TAOK2: variants seen among roughly 807,000 people sequenced by gnomAD.
TAOK2 encodes serine/threonine-protein kinase TAO2.
A neutral mutation model predicts 122.5 loss-of-function variants in TAOK2; 42 were observed. That is an observed-to-expected ratio of 0.34 (90% CI 0.27 to 0.44). The LOEUF (loss-of-function observed/expected upper bound fraction) is 0.44. TAOK2 is among the 20% of genes least tolerant of loss of function. The pLI is 1.00. For missense variants in TAOK2, 1,264 were observed against 1,644.9 expected (o/e 0.77, Z 4.01); for synonymous variants, 704 against 677.6 (o/e 1.04, Z -0.61).
Position 29,985,757 on chromosome 16 carries a change from G to C in TAOK2, c.1888G>C (p.Gly630Arg). ...GCAGTGCCAGGCGGAGGAGGAAGCA[G>C]GGCTGCTGCGGCGGCAGCGCCAGTA... ...LQQCQAEEEA[G>R]LLRRQRQYFE... Residue 630 changes from glycine (G) to arginine (R), a missense_variant, in exon 15 of 16, where the codon GGG (glycine) becomes CGG (arginine). Coordinates refer to ENST00000308893, the MANE Select transcript of TAOK2 (RefSeq NM_016151.4). The surrounding 1 kb of genome is among the most constrained non-coding windows in gnomAD (Gnocchi z 6.9). 1 of 1,611,570 alleles carries C rather than the reference G, an allele frequency of 6.2e-7. No homozygotes were observed. The highest frequency in any genetic ancestry group is 8.5e-7 in the Non-Finnish European group (1 of 1,179,682).
At chr16:29,991,847 A>G, downstream of TAOK2, 1 of 375,792 alleles carries the variant, frequency 2.7e-6, no homozygotes. The surrounding 1 kb of genome is among the most constrained non-coding windows in gnomAD (Gnocchi z 5.6). Context: ...GTGCGTGTCA[A>G]ATATTCATCT....
At chr16:29,991,330 C>T, downstream of TAOK2, 1 of 1,604,178 alleles carries the variant, frequency 6.2e-7, no homozygotes, top group Non-Finnish European at 8.5e-7. This position sits in a 1 kb window ranked among gnomAD's most constrained non-coding sequence, Gnocchi z 5.6. Context: ...CGTCAGCCGT[C>T]TCTGCTGGCT....
intron 1 of TAOK2, among the ~76,000 whole-genome samples, chr16:29,974,951 G>C (rs534528260): frequency 1.3e-5 from 2 of 152,174 alleles, no homozygotes; most frequent in East Asian, 3.9e-4. Context: ...CCTTCACTTT[G>C]CCCCTCACAG....
At chr16:29,991,384 G>A (rs780909351), downstream of TAOK2, 1 of 1,579,424 alleles carries the variant, frequency 6.3e-7, no homozygotes, top group East Asian at 2.3e-5. This position sits in a 1 kb window ranked among gnomAD's most constrained non-coding sequence, Gnocchi z 5.6. Context: ...ACACAAAGTG[G>A]GACACCCCGT....
chr16:29,987,011 C>T lies in TAOK2; in HGVS notation c.2739C>T (p.Thr913=), dbSNP rs1251136255. The T allele has an allele frequency of 1.2e-6, 2 of 1,612,464 alleles. No individual in the cohort carries two copies. Among genetic ancestry groups the T allele is most frequent in the African/African-American group, 1.3e-5 (1 of 74,870 alleles). The part of the protein sequence containing the change: ...EEEEEGAPIG[T]PRDPGDGCPS... ...AGGAAGAGGGGGCTCCGATTGGGAC[C>T]CCTAGGGATCCTGGAGATGGTTGTC... The change falls in exon 16 of 16, where the codon ACC becomes ACT. Residue 913 remains threonine (T), a synonymous_variant. Coordinates refer to ENST00000308893, the MANE Select transcript of TAOK2 (RefSeq NM_016151.4).
Position 29,987,825 on chromosome 16 carries a change from C to T in TAOK2, c.3553C>T (p.Leu1185=), listed in dbSNP as rs142133812. The change falls in exon 16 of 16, where the codon CTG becomes TTG. Residue 1185 remains leucine, a synonymous_variant. Transcript: ENST00000308893. ...CATCCACACACTGGCCAGCTGGGGC[C>T]TGCTTCGGGGTGAACGGCCCACCCG... The part of the protein sequence containing the change: ...WAIHTLASWG[L]LRGERPTRIP... 1.2e-6 allele frequency: 2 copies of T among 1,613,172 alleles called. No individual in the cohort carries two copies. Among genetic ancestry groups the T allele is most frequent in the Non-Finnish European group, 1.7e-6 (2 of 1,179,768 alleles).
At position 29,983,017 on chromosome 16, in the gene TAOK2, G is replaced by T. The variant is rs919016011; in HGVS notation, c.1000-55G>T. 8 of 1,608,894 alleles carry T rather than the reference G, an allele frequency of 5.0e-6. No homozygotes were observed. The African/African-American group carries it at 1.1e-4, about 22-fold the overall frequency. On this transcript the variant is annotated intron_variant, in intron 11 of 15. Transcript: ENST00000308893. ...CACCATCTTCCCATGCTACCTCCAT[G>T]CATATGCCCCAGGGCTTCCCCTTCC...
rs1336905501 is a variant in TAOK2, at chr16:29,985,931, C to G, written c.1992+70C>G. The G allele has an allele frequency of 6.5e-7, 1 of 1,533,360 alleles. No homozygotes were observed. The highest frequency in any genetic ancestry group is 8.9e-7 in the Non-Finnish European group (1 of 1,128,902). The allele number at this position is 1,533,360 out of a possible 1,614,324, so 95.0% of individuals were successfully genotyped here. A position where few individuals can be genotyped will look rare whatever the true frequency, so the allele number is the denominator to read the frequency against. On this transcript the variant is annotated intron_variant, in intron 15 of 15. Coordinates refer to ENST00000308893, the MANE Select transcript of TAOK2 (RefSeq NM_016151.4). This position sits in a 1 kb window ranked among gnomAD's most constrained non-coding sequence, Gnocchi z 6.9. Reference sequence around the variant, plus strand: ...CCAGGGACCCACCCTTTTCCATTTTCCTCATTCTTGTCTTCTTTCTCCTTG... The same window carrying G: ...CCAGGGACCCACCCTTTTCCATTTTGCTCATTCTTGTCTTCTTTCTCCTTG...
downstream of TAOK2, chr16:29,989,153 T>C (rs1338500184): frequency 6.2e-5 from 61 of 985,252 alleles, no homozygotes; most frequent in Non-Finnish European, 7.0e-5. Flanking sequence ...TCGCTTGTTC[T>C]CGTGCACGTT....
chr16:29,986,155 C>G lies in TAOK2; in HGVS notation c.1993-110C>G. ...TCACTTCCTTGATACTGACCAGGCC[C>G]TGGGCCCTGTGTTTCTTCCGCCATC... On this transcript the variant is annotated intron_variant, in intron 15 of 15. Transcript: ENST00000308893. This position sits in a 1 kb window ranked among gnomAD's most constrained non-coding sequence, Gnocchi z 4.2. 1 of 1,462,464 alleles carries G rather than the reference C, an allele frequency of 6.8e-7. No homozygotes were observed. The highest frequency in any genetic ancestry group is 1.4e-5 in the African/African-American group (1 of 70,582). The allele number at this position is 1,462,464 out of a possible 1,614,324, so 90.6% of individuals were successfully genotyped here. A position where few individuals can be genotyped will look rare whatever the true frequency, so the allele number is the denominator to read the frequency against.
chr16:29,990,847 C>T (rs1255125748), downstream of TAOK2: 1 of 1,613,510 alleles, frequency 6.2e-7, no homozygotes, highest in Non-Finnish European at 8.5e-7. Flanking sequence ...TCAACAGGAG[C>T]TGGAGCTGCT....
chr16:29,983,226 A>T lies in TAOK2; in HGVS notation c.1154A>T (p.Glu385Val). Residue 385 changes from glutamate (E) to valine (V), a missense_variant, in exon 12 of 16, where the codon GAG (glutamate) becomes GTG (valine). By Grantham distance (121) the Glu-to-Val change is moderately radical. Transcript: ENST00000308893. ...SDNEEEEEEEEEEEEEEEGPE... is the reference protein window; with the variant it reads ...SDNEEEEEEEVEEEEEEEGPE... Reference sequence around the variant, plus strand: ...AACGAGGAAGAGGAGGAGGAGGAGGAGGAAGAGGAGGAGGAGGAAGAAGGC... The same window carrying T: ...AACGAGGAAGAGGAGGAGGAGGAGGTGGAAGAGGAGGAGGAGGAAGAAGGC... 1 of 1,612,544 alleles carries T rather than the reference A, an allele frequency of 6.2e-7. No homozygotes were observed.
At chr16:29,989,261 C>T (rs367597104), downstream of TAOK2, 46 of 985,154 alleles carry the variant, frequency 4.7e-5, no homozygotes, top group Non-Finnish European at 5.1e-5. Flanking sequence ...CCAGTAACTC[C>T]GATGTTCTTT....
chr16:29,987,444 C>T lies in TAOK2; in HGVS notation c.3172C>T (p.Leu1058=). ...AWLLAWPGLA[L]PLVAMAAGGR... is the part of the protein sequence containing the mutation. Reference sequence around the variant, plus strand: ...GCTCTTAGCTTGGCCAGGCCTAGCTCTACCTCTGGTGGCTATGGCAGCGGG... The same window carrying T: ...GCTCTTAGCTTGGCCAGGCCTAGCTTTACCTCTGGTGGCTATGGCAGCGGG... The change falls in exon 16 of 16, where the codon CTA becomes TTA. Residue 1058 remains leucine, a synonymous_variant. Coordinates refer to ENST00000308893, the MANE Select transcript of TAOK2 (RefSeq NM_016151.4). 2 of 1,601,240 alleles carry T rather than the reference C, an allele frequency of 1.2e-6. No homozygotes were observed. Among genetic ancestry groups the T allele is most frequent in the Non-Finnish European group, 1.7e-6 (2 of 1,171,866 alleles).
At chr16:29,988,774 G>A (rs1051080887), downstream of TAOK2, 41 of 985,382 alleles carry the variant, frequency 4.2e-5, 1 homozygote, top group African/African-American at 1.0e-4. Context: ...GTTGGGGGAC[G>A]GGGCTGCAGA....
Position 29,988,111 on chromosome 16 carries a change from C to A in TAOK2, c.*131C>A. Reference sequence around the variant, plus strand: ...TCAGTTTGCTCACTTACCCCAGGCCCAGCCCTTCGGACCTCTAGACAGGCA... The same window carrying A: ...TCAGTTTGCTCACTTACCCCAGGCCAAGCCCTTCGGACCTCTAGACAGGCA... On this transcript the variant is annotated 3_prime_UTR_variant, in exon 16 of 16. Transcript: ENST00000308893. 1 of 1,434,354 alleles carries A rather than the reference C, an allele frequency of 7.0e-7. No individual in the cohort carries two copies. Among genetic ancestry groups the A allele is most frequent in the East Asian group, 2.5e-5 (1 of 39,960 alleles). The allele number at this position is 1,434,354 out of a possible 1,614,324, so 88.9% of individuals were successfully genotyped here.
intron 11 of TAOK2, 63 bp from the exon 12 acceptor site, chr16:29,983,009 A>G (rs1192232024): frequency 4.4e-6 from 7 of 1,606,870 alleles, no homozygotes; most frequent in Non-Finnish European, 3.4e-6. Flanking sequence ...TTCCCATGCT[A>G]CCTCCATGCA....
intron 8 of TAOK2, 33 bp from the exon 9 acceptor site, chr16:29,981,628 T>G: frequency 6.2e-7 from 1 of 1,606,640 alleles, no homozygotes. Flanking sequence ...CCCTGCCACC[T>G]CTCACCTTCT....
At chr16:29,989,901 G>A (rs759480410), downstream of TAOK2, 3 of 1,299,394 alleles carry the variant, frequency 2.3e-6, no homozygotes, top group Non-Finnish European at 3.2e-6. Context: ...CAGAGCTGGG[G>A]CTTTTTTACT....
Sources: allele counts gnomAD v4.1 joint callset (sites outside exome capture counted in the v4.1 genomes callset), GRCh38; gene constraint gnomAD v4.1.1; non-coding constraint Gnocchi (gnomAD v3.1); transcripts MANE v1.5; gene names NCBI Gene and HGNC (gene_info 2026-07-23, HGNC 2026-07-21).